CDH13: variants seen among roughly 807,000 people sequenced by gnomAD.
CDH13 encodes the protein cadherin-13.
Under a neutral mutation model 63.8 loss-of-function variants are expected in CDH13, and 24 were observed. The observed-to-expected ratio is 0.38, with a 90% CI of 0.27 to 0.53. CDH13 has a LOEUF of 0.53. Among genes scored for constraint, CDH13 ranks in the 20% least tolerant of loss-of-function variants. The pLI, the probability that CDH13 is intolerant of heterozygous loss-of-function variation, is 0.85. For missense variants in CDH13, 1,049 were observed against 903.1 expected (o/e 1.16, Z -2.07); for synonymous variants, 503 against 355.3 (o/e 1.42, Z -4.67).
chr16:82,904,265 C>A (rs374527576), intron 2 of CDH13, among the ~76,000 whole-genome samples: 2 of 152,278 alleles, frequency 1.3e-5, no homozygotes, highest in Middle Eastern at 3.4e-3. Context: ...TGCCTCAGGT[C>A]TGCACAGAAC....
chr16:83,353,646 A>G (rs1003577663), intron 6 of CDH13, among the ~76,000 whole-genome samples: 2 of 152,232 alleles, frequency 1.3e-5, no homozygotes, highest in African/African-American at 4.8e-5. Flanking sequence ...CTGGGGCTGG[A>G]GATCAGCTCA....
At chr16:82,707,556 C>A (rs1226166497) in intron 1 of CDH13, among the ~76,000 whole-genome samples, 1 of 152,098 alleles carries the variant, frequency 6.6e-6, no homozygotes, top group Non-Finnish European at 1.5e-5. Context: ...TCCTAGAAGC[C>A]AGGGTCTGTG....
At chr16:82,950,658 A>G (rs1235825671) in intron 2 of CDH13, among the ~76,000 whole-genome samples, 1 of 152,134 alleles carries the variant, frequency 6.6e-6, no homozygotes, top group Non-Finnish European at 1.5e-5. Context: ...TTTCTTTATA[A>G]ACATGTCTTT....
chr16:83,725,853 G>A (rs1910322463), intron 10 of CDH13: 1 of 152,196 alleles, frequency 6.6e-6, no homozygotes, highest in African/African-American at 2.4e-5. Flanking sequence ...ACTAGAAGAG[G>A]TGGGCCGTAA....
intron 6 of CDH13, among the ~76,000 whole-genome samples, chr16:83,456,926 C>T (rs1032332968): frequency 6.6e-6 from 1 of 152,184 alleles, no homozygotes; most frequent in African/African-American, 2.4e-5. Context: ...GATGCCACTG[C>T]ACTCCAGCCT....
intron 6 of CDH13, among the ~76,000 whole-genome samples, chr16:83,352,146 G>A (rs11644253): frequency 0.56 from 84,347 of 151,926 alleles, 25,004 homozygotes; most frequent in East Asian, 0.82. Flanking sequence ...CAGCACTTGA[G>A]TTATGGTACA....
intron 8 of CDH13, among the ~76,000 whole-genome samples, chr16:83,618,419 C>CAA (rs563377656): frequency 2.0e-5 from 2 of 99,054 alleles, no homozygotes; most frequent in East Asian, 2.7e-4. Context: ...AGAGAGACTC[C>CAA]AAAAAAAAAA....
At chr16:83,366,861 A>T (rs998496985) in intron 6 of CDH13, among the ~76,000 whole-genome samples, 4 of 152,174 alleles carry the variant, frequency 2.6e-5, no homozygotes, top group Admixed American at 2.6e-4. Flanking sequence ...GATTTATCAC[A>T]TACTGTGCGT....
chr16:83,531,633 A>G (rs1025000029), intron 7 of CDH13, among the ~76,000 whole-genome samples: 1 of 152,208 alleles, frequency 6.6e-6, no homozygotes, highest in Non-Finnish European at 1.5e-5. Flanking sequence ...TGTCCCTACA[A>G]GAGGGAGGCG....
At chr16:82,739,824 T>C (rs1222060739) in intron 1 of CDH13, among the ~76,000 whole-genome samples, 1 of 152,212 alleles carries the variant, frequency 6.6e-6, no homozygotes, top group Non-Finnish European at 1.5e-5. Context: ...GAATAGTATA[T>C]ATTCAGAATG....
Position 82,894,282 on chromosome 16 carries a change from C to T in CDH13, c.157+35809C>T, listed in dbSNP as rs1402819254. ...AGGGCAGGATTAAAGGATTGTTCTC[C>T]CATGTTGGAAGAAAACAGAGTTCAG... On this transcript the variant is annotated intron_variant, in intron 2 of 13. Transcript: ENST00000567109. Among the ~76,000 whole-genome samples the T allele has an allele frequency of 2.0e-5, 3 of 152,264 alleles. No homozygotes were observed. The South Asian group carries it at 6.2e-4, about 32-fold the overall frequency.
At chr16:82,659,124 G>T (rs1273991837) in intron 1 of CDH13, among the ~76,000 whole-genome samples, 3 of 152,158 alleles carry the variant, frequency 2.0e-5, no homozygotes, top group Non-Finnish European at 4.4e-5. Context: ...ACAGTGCACA[G>T]TTGCTGCTGG....
chr16:82,986,563 A>C (rs556889196), intron 2 of CDH13, among the ~76,000 whole-genome samples: 89 of 152,194 alleles, frequency 5.8e-4, no homozygotes, highest in Non-Finnish European at 1.1e-3. Context: ...GGCTGCTCTA[A>C]GCTGGGCCTC....
At chr16:83,283,513 C>T (rs1443805179) in intron 5 of CDH13, among the ~76,000 whole-genome samples, 1 of 152,144 alleles carries the variant, frequency 6.6e-6, no homozygotes, top group African/African-American at 2.4e-5. Flanking sequence ...ATCACTTGAA[C>T]CCAGGAGGTG....
chr16:83,526,646 C>T (rs934119197), intron 7 of CDH13, among the ~76,000 whole-genome samples: 2 of 152,160 alleles, frequency 1.3e-5, no homozygotes, highest in Non-Finnish European at 2.9e-5. Context: ...GGTCCGTGGC[C>T]CGGGGGCTGG....
intron 1 of CDH13, among the ~76,000 whole-genome samples, chr16:82,855,384 C>T (rs547293969): frequency 6.6e-6 from 1 of 152,296 alleles, no homozygotes; most frequent in Admixed American, 6.5e-5. Context: ...ATTTCACCTT[C>T]TTTACTTCCT....
At chr16:83,706,241 CA>C (rs1907030504) in intron 10 of CDH13, among the ~76,000 whole-genome samples, 1 of 152,178 alleles carries the variant, frequency 6.6e-6, no homozygotes, top group Non-Finnish European at 1.5e-5. Context: ...GGCCAGGTTC[CA>C]AAGGTGAGCA....
intron 1 of CDH13, among the ~76,000 whole-genome samples, chr16:82,661,287 G>C (rs1015436874): frequency 6.6e-6 from 1 of 152,236 alleles, no homozygotes; most frequent in African/African-American, 2.4e-5. Context: ...TCTGATCACA[G>C]CTTAATTATG....
At chr16:83,146,384 C>T (rs543234787) in intron 4 of CDH13, among the ~76,000 whole-genome samples, 4 of 152,178 alleles carry the variant, frequency 2.6e-5, no homozygotes, top group Admixed American at 6.5e-5. Flanking sequence ...TAGCAAGAAA[C>T]CTAAAAGTAG....
Sources: gnomAD v4.1 joint callset for allele counts (sites outside exome capture counted in the v4.1 genomes callset) on GRCh38, gnomAD v4.1.1 for gene constraint, MANE v1.5 for transcripts, NCBI Gene and HGNC (gene_info 2026-07-23, HGNC 2026-07-21) for gene names.